Variants in MMP3 observed in about 807,000 individuals in gnomAD.
MMP3 encodes matrix metallopeptidase 3.
Under a neutral mutation model 47.3 loss-of-function variants are expected in MMP3, and 46 were observed. That is an observed-to-expected ratio of 0.97 (90% CI 0.77 to 1.24). The LOEUF (loss-of-function observed/expected upper bound fraction) is 1.24. Ranked by LOEUF, MMP3 falls within the 50% of genes most tolerant of loss-of-function variation. The pLI is 0.00. For missense variants in MMP3, 558 were observed against 565.5 expected (o/e 0.99, Z 0.13); for synonymous variants, 216 against 206.5 (o/e 1.05, Z -0.39).
rs782160486 is a variant in MMP3, at chr11:102,842,672, C to T, written c.350G>A (p.Arg117Lys). Reference sequence around the variant, plus strand: ...TGTGAAAACCCCTCTGAACCATTACCTGTATGTAAGGTGGGTTTTCCTCCA... The same window carrying T: ...TGTGAAAACCCCTCTGAACCATTACTTGTATGTAAGGTGGGTTTTCCTCCA... The part of the protein sequence containing the change: ...PKWRKTHLTY[R>K]IVNYTPDLPK... Residue 117 changes from arginine (R) to lysine (K), a missense_variant and splice_region_variant, in exon 2 of 10, where the codon AGG becomes AAG. Transcript: ENST00000299855. 9 of 1,613,660 alleles carry T rather than the reference C, an allele frequency of 5.6e-6. No individual in the cohort carries two copies. The highest frequency in any genetic ancestry group is 1.3e-5 in the African/African-American group (1 of 74,830).
chr11:102,841,331 T>A (rs1858993145), intron 4 of MMP3, among the ~76,000 whole-genome samples: 1 of 152,188 alleles, frequency 6.6e-6, no homozygotes, highest in African/African-American at 2.4e-5. Context: ...GTGTAACTTG[T>A]GATGCTAGGA....
At chr11:102,842,403 G>GTTTTTTTTTTTTTTT (rs1555005635) in intron 3 of MMP3, 28 bp downstream of exon 3, 6 of 918,452 alleles carry the variant, frequency 6.5e-6, no homozygotes, top group Admixed American at 7.0e-5. Context: ...GTTTTGTTTT[G>GTTTTTTTTTTTTTTT]CTTTTTTTTT....
chr11:102,838,246 G>C (rs1555004895), intron 8 of MMP3, among the ~76,000 whole-genome samples: 1 of 152,128 alleles, frequency 6.6e-6, no homozygotes, highest in Non-Finnish European at 1.5e-5. Flanking sequence ...GCATGGAGGT[G>C]ATGAGACTTG....
At position 102,836,311 on chromosome 11, in the gene MMP3, C is replaced by T; in HGVS notation, c.1334-85G>A. Reference sequence around the variant, plus strand: ...ATACAAAACTCAGAATCATAGAGAACTAAAAATAGAAAGTGTTTATAGAGC... The same window carrying T: ...ATACAAAACTCAGAATCATAGAGAATTAAAAATAGAAAGTGTTTATAGAGC... On this transcript the variant is annotated intron_variant, in intron 9 of 9. Transcript: ENST00000299855. This position sits in a 1 kb window ranked among gnomAD's most constrained non-coding sequence, Gnocchi z 4.6. 4 of 1,040,440 alleles carry T rather than the reference C, an allele frequency of 3.8e-6. No homozygotes were observed. Among genetic ancestry groups the T allele is most frequent in the Non-Finnish European group, 5.9e-6 (4 of 676,446 alleles). The allele number at this position is 1,040,440 out of a possible 1,614,324, so 64.5% of individuals were successfully genotyped here. A position where few individuals can be genotyped will look rare whatever the true frequency, so the allele number is the denominator to read the frequency against.
In MMP3 at chr11:102,840,537, G is replaced by A. The variant is rs1591104207; in HGVS notation, c.682C>T (p.His228Tyr). ...ATCAAAGCTTCAGTGTTGGCTGAGTGAAAGAGACCCAGGGAGTGGCCAATT... is the reference window on the plus strand; with the variant it reads ...ATCAAAGCTTCAGTGTTGGCTGAGTAAAAGAGACCCAGGGAGTGGCCAATT... ...HEIGHSLGLFHSANTEALMYP... is the reference protein window; with the variant it reads ...HEIGHSLGLFYSANTEALMYP... Residue 228 changes from histidine (H) to tyrosine (Y), a missense_variant, in exon 5 of 10, where the codon CAC becomes TAC. Transcript: ENST00000299855. 1 of 1,614,094 alleles carries A rather than the reference G, an allele frequency of 6.2e-7. No homozygotes were observed. Among genetic ancestry groups the A allele is most frequent in the Non-Finnish European group, 8.5e-7 (1 of 1,180,002 alleles).
intron 6 of MMP3, 133 bp from the exon 7 acceptor site, chr11:102,839,376 G>T: frequency 9.9e-7 from 1 of 1,009,702 alleles, no homozygotes; most frequent in Non-Finnish European, 1.5e-6. Context: ...TAGAAATCAG[G>T]TATATTGCCA....
In MMP3 at chr11:102,843,599, T is replaced by C. The variant is rs1288226736; in HGVS notation, c.-53A>G. ...TGTCTCTATGCCTTGCTGTCTTGCC[T>C]GCCTCCTTGTAGGTCCAACCTCGGG... On this transcript the variant is annotated 5_prime_UTR_variant, in exon 1 of 10. Coordinates refer to ENST00000299855, the MANE Select transcript of MMP3 (RefSeq NM_002422.5). 4.1e-6 allele frequency: 6 copies of C among 1,458,030 alleles called. No homozygotes were observed. The Admixed American group carries it at 1.1e-4, about 27-fold the overall frequency. The allele number at this position is 1,458,030 out of a possible 1,614,324, so 90.3% of individuals were successfully genotyped here. A position where few individuals can be genotyped will look rare whatever the true frequency, so the allele number is the denominator to read the frequency against.
At chr11:102,840,305 A>G (rs1555005252) in intron 5 of MMP3, 53 bp from the exon 6 acceptor site, 13 of 1,598,426 alleles carry the variant, frequency 8.1e-6, no homozygotes, top group Admixed American at 1.7e-5. Context: ...GCCCATTTGT[A>G]TGCTTTCCAA....
At position 102,842,741 on chromosome 11, in the gene MMP3, A is replaced by G; in HGVS notation, c.281T>C (p.Val94Ala). Residue 94 changes from valine to alanine, a missense_variant, in exon 2 of 10, where the codon GTT (valine) becomes GCT (alanine). Val to Ala is a moderately conservative substitution (Grantham distance 64). Transcript: ENST00000299855. ...LEVMRKPRCG[V>A]PDVGHFRTFP... The stretch of plus-strand genomic sequence containing the variant: ...GGTTCTGAAGTGACCAACATCAGGA[A>G]CTCCACACCTGGGCTTGCGCATCAC... 6.2e-7 allele frequency: 1 copy of G among 1,613,698 alleles called. No individual in the cohort carries two copies. The highest frequency in any genetic ancestry group is 1.1e-5 in the South Asian group (1 of 91,060).
Position 102,842,888 on chromosome 11 carries a change from T to C in MMP3, c.134A>G (p.Lys45Arg), listed in dbSNP as rs782730515. The stretch of plus-strand genomic sequence containing the variant: ...CCTAACAAACTGTTTCACATCTTTT[T>C]TGAGGTCGTAGTAGTTTTCTAGATA... ...QKYLENYYDLKKDVKQFVRRK... is the reference protein window; with the variant it reads ...QKYLENYYDLRKDVKQFVRRK... The change falls in exon 2 of 10, where the codon AAA becomes AGA. Residue 45 changes from lysine to arginine, a missense_variant. Transcript: ENST00000299855. The C allele has an allele frequency of 7.4e-6, 12 of 1,611,666 alleles. No homozygotes were observed. Among genetic ancestry groups the C allele is most frequent in the Admixed American group, 6.7e-5 (4 of 59,768 alleles).
At chr11:102,841,249 A>G (rs1555005383) in intron 4 of MMP3, among the ~76,000 whole-genome samples, 1 of 152,230 alleles carries the variant, frequency 6.6e-6, no homozygotes, top group Non-Finnish European at 1.5e-5. Flanking sequence ...CCATAATGCT[A>G]AAATTGGGAG....
intron 4 of MMP3, among the ~76,000 whole-genome samples, chr11:102,841,100 T>G (rs988177459): frequency 6.6e-6 from 1 of 152,224 alleles, no homozygotes; most frequent in Non-Finnish European, 1.5e-5. Flanking sequence ...ACATGAATAA[T>G]GATAGATGTC....
At position 102,836,207 on chromosome 11, in the gene MMP3, A is replaced by G. The variant is rs190173783; in HGVS notation, c.1353T>C (p.Thr451=). ...FEEFGFFYFF[T]GSSQLEFDPN... is the part of the protein sequence containing the mutation. ...GGTCAAACTCCAACTGTGAAGATCC[A>G]GTAAAGAAATAAAAGAACCCTGCAA... Residue 451 remains threonine, a synonymous_variant, in exon 10 of 10, where the codon ACT becomes ACC. Coordinates refer to ENST00000299855, the MANE Select transcript of MMP3 (RefSeq NM_002422.5). The surrounding 1 kb of genome is among the most constrained non-coding windows in gnomAD (Gnocchi z 4.6). The G allele has an allele frequency of 2.3e-4, 372 of 1,613,708 alleles. 2 individuals are homozygous for G. The East Asian group carries it at 5.5e-3, about 24-fold the overall frequency.
In MMP3 at chr11:102,836,574, G is replaced by T. The variant is rs569444; in HGVS notation, c.1334-348C>A. The T allele has an allele frequency of 2.1e-6, 1 of 485,140 alleles. No homozygotes were observed. Among genetic ancestry groups the T allele is most frequent in the Admixed American group, 2.3e-5 (1 of 42,852 alleles). The allele number at this position is 485,140 out of a possible 1,614,324, so 30.1% of individuals were successfully genotyped here. The stretch of plus-strand genomic sequence containing the variant: ...CAGGTTACAGGGTTATTCTGCTTCC[G>T]ATCAGATAAATTCTCCACTTGCTTG... On this transcript the variant is annotated intron_variant, in intron 9 of 9. Coordinates refer to ENST00000299855, the MANE Select transcript of MMP3 (RefSeq NM_002422.5). This position sits in a 1 kb window ranked among gnomAD's most constrained non-coding sequence, Gnocchi z 4.6.
rs1555004956 is a variant in MMP3, at chr11:102,838,664, G to T, written c.1116C>A (p.Tyr372Ter). ...AIRGNEVRAGYPRGIHTLGFP... is the reference protein window; with the variant it reads ...AIRGNEVRAG ...AACCTAGGGTGTGGATGCCTCTTGG[G>T]TATCCAGCTCGTACCTCATTTCCTC... The change falls in exon 8 of 10, where the codon TAC becomes TAA. Residue 372 changes from tyrosine to a stop codon, truncating the protein, a stop_gained. Coordinates refer to ENST00000299855, the MANE Select transcript of MMP3 (RefSeq NM_002422.5). LOFTEE classifies it high-confidence loss of function. 1.2e-6 allele frequency: 2 copies of T among 1,613,198 alleles called. No individual in the cohort carries two copies. The highest frequency in any genetic ancestry group is 1.7e-6 in the Non-Finnish European group (2 of 1,179,904).
intron 3 of MMP3, 24 bp downstream of exon 3, chr11:102,842,407 T>TTTTTTTTTTTTTTTTTTTTTTC (rs1565226079): frequency 1.4e-6 from 1 of 710,166 alleles, no homozygotes; most frequent in Non-Finnish European, 1.9e-6. Context: ...TGTTTTGCTT[T>TTTTTTTTTTTTTTTTTTTTTTC]TTTTTTTTTT....
rs1190157693 is a variant in MMP3 at position 102,837,963 on chromosome 11, T to A, written c.1230-562A>T. On this transcript the variant is annotated intron_variant, in intron 8 of 9. Transcript: ENST00000299855. This position sits in a 1 kb window ranked among gnomAD's most constrained non-coding sequence, Gnocchi z 4.4. ...CCAGGAATCAACCTGTCTGTGAGTG[T>A]TGGGTTGTATCCATAAACTGGACTG... Among the ~76,000 whole-genome samples the A allele has an allele frequency of 1.3e-5, 2 of 152,136 alleles. No homozygotes were observed. Among genetic ancestry groups the A allele is most frequent in the Non-Finnish European group, 2.9e-5 (2 of 68,028 alleles).
At chr11:102,839,911 T>G (rs1858962208) in intron 6 of MMP3, among the ~76,000 whole-genome samples, 197 bp downstream of exon 6, 1 of 152,216 alleles carries the variant, frequency 6.6e-6, no homozygotes, top group Admixed American at 6.5e-5. Flanking sequence ...AAGAACCAGA[T>G]CAGCCTGTGC....
In MMP3 at chr11:102,839,154, G is replaced by T. The variant is rs912160925; in HGVS notation, c.1025C>A (p.Ala342Asp). The change falls in exon 7 of 10, where the codon GCC (alanine) becomes GAC (aspartate). Residue 342 changes from alanine (A) to aspartate (D), a missense_variant. Physicochemically the swap from Ala to Asp is moderately radical, Grantham distance 126 (BLOSUM62 -2). Transcript: ENST00000299855. ...GTCCTTGCTAGTAACTTCATATGCGGCATCCACGCCTGAAGGAAGAGATGG... is the reference window on the plus strand; with the variant it reads ...GTCCTTGCTAGTAACTTCATATGCGTCATCCACGCCTGAAGGAAGAGATGG... The part of the protein sequence containing the change: ...FWPSLPSGVD[A>D]AYEVTSKDLV... The T allele has an allele frequency of 6.2e-7, 1 of 1,614,084 alleles. No individual in the cohort carries two copies.
Sources: gnomAD v4.1 joint callset for allele counts (sites outside exome capture counted in the v4.1 genomes callset) on GRCh38, gnomAD v4.1.1 for gene constraint, Gnocchi (gnomAD v3.1) non-coding constraint, MANE v1.5 for transcripts, NCBI Gene and HGNC (gene_info 2026-07-23, HGNC 2026-07-21) for gene names.